Variants in ANK2 observed in about 807,000 individuals in gnomAD.
The protein encoded by ANK2 is ankyrin-2.
A neutral mutation model predicts 360.5 loss-of-function variants in ANK2; 83 were observed. That is an observed-to-expected ratio of 0.23 (90% CI 0.19 to 0.28). The LOEUF (loss-of-function observed/expected upper bound fraction) is 0.28. ANK2 is among the 10% of genes least tolerant of loss of function. ANK2 has a pLI of 1.00. For missense variants in ANK2, 4,201 were observed against 4,795.7 expected (o/e 0.88, Z 3.66); for synonymous variants, 1,740 against 1,759.5 (o/e 0.99, Z 0.28).
At chr4:113,350,133 A>G in intron 36 of ANK2, 95 bp from the exon 37 acceptor site, 1 of 1,123,040 alleles carries the variant, frequency 8.9e-7, no homozygotes, top group Admixed American at 1.9e-5. Context: ...GTCACCCAAC[A>G]TGTATAATTA....
At chr4:113,127,232 A>G (rs2095714026) in intron 1 of ANK2, among the ~76,000 whole-genome samples, 1 of 152,142 alleles carries the variant, frequency 6.6e-6, no homozygotes, top group African/African-American at 2.4e-5. Context: ...GTTCAGATGT[A>G]TATAATATAT....
At chr4:112,732,848 G>A in the ANK2 span, among the ~76,000 whole-genome samples, 25 of 152,140 alleles carry the variant, frequency 1.6e-4, no homozygotes, top group African/African-American at 6.0e-4. Flanking sequence ...TTGGGAGGCT[G>A]AGGCGGGGGG....
Position 113,353,077 on chromosome 4 carries a change from C to G in ANK2, c.4459C>G (p.Leu1487Val). 6.2e-7 allele frequency: 1 copy of G among 1,613,840 alleles called. No individual in the cohort carries two copies. The highest frequency in any genetic ancestry group is 8.5e-7 in the Non-Finnish European group (1 of 1,179,816). ...DETESTETSV[L>V]KSHLVNEVPV... Reference sequence around the variant, plus strand: ...GACAGAATCTACAGAAACATCTGTCCTGAAAAGTCACCTGGTTAATGAAGT... The same window carrying G: ...GACAGAATCTACAGAAACATCTGTCGTGAAAAGTCACCTGGTTAATGAAGT... Residue 1487 changes from leucine to valine, a missense_variant, in exon 38 of 46, where the codon CTG becomes GTG. Coordinates refer to ENST00000357077, the MANE Select transcript of ANK2 (RefSeq NM_001148.6).
chr4:113,378,491 A>G (rs1442737598), intron 45 of ANK2, among the ~76,000 whole-genome samples: 1 of 152,214 alleles, frequency 6.6e-6, no homozygotes, highest in Non-Finnish European at 1.5e-5. Flanking sequence ...CATTGTGTCG[A>G]TAGATTCAGA....
At chr4:112,791,526 T>C in the ANK2 span, among the ~76,000 whole-genome samples, 888 of 143,442 alleles carry the variant, frequency 6.2e-3, 8 homozygotes, top group African/African-American at 0.022. Context: ...TCTGGCTCTG[T>C]TGCCCAGGCT....
chr4:112,810,135 ATATATATATATATATATATATATATTTTT>A, the ANK2 span, among the ~76,000 whole-genome samples: 1 of 36,284 alleles, frequency 2.8e-5, no homozygotes, highest in Non-Finnish European at 5.3e-5. Context: ...GTATATATAT[ATATATATATATATATATATATATATTTTT>A]TTTTTTTTTT....
At chr4:113,097,528 G>C (rs187392818) in intron 1 of ANK2, among the ~76,000 whole-genome samples, 64 of 152,110 alleles carry the variant, frequency 4.2e-4, no homozygotes, top group African/African-American at 1.5e-3. Context: ...AAACCAAAGG[G>C]AAAATAAATT....
chr4:113,128,050 T>C (rs1236531118), intron 1 of ANK2, among the ~76,000 whole-genome samples: 1 of 152,298 alleles, frequency 6.6e-6, no homozygotes, highest in Non-Finnish European at 1.5e-5. Context: ...TAAAAACACA[T>C]TGCTTTATAT....
At chr4:113,150,621 T>C (rs1294140157) in intron 1 of ANK2, among the ~76,000 whole-genome samples, 3 of 152,144 alleles carry the variant, frequency 2.0e-5, no homozygotes, top group Non-Finnish European at 4.4e-5. Context: ...AATATTGTGT[T>C]CCCATGTCCT....
chr4:113,242,348 A>G, intron 9 of ANK2, 139 bp downstream of exon 9: 1 of 797,094 alleles, frequency 1.3e-6, no homozygotes, highest in Non-Finnish European at 2.1e-6. Context: ...TTTAAATCTC[A>G]TACAACATTT....
At chr4:113,231,542 G>A (rs1393865509) in intron 4 of ANK2, among the ~76,000 whole-genome samples, 1 of 151,944 alleles carries the variant, frequency 6.6e-6, no homozygotes, top group Non-Finnish European at 1.5e-5. Context: ...GCTATATATA[G>A]TGATAATTCC....
the ANK2 span, among the ~76,000 whole-genome samples, chr4:112,732,028 T>C: frequency 1.3e-5 from 2 of 152,190 alleles, no homozygotes; most frequent in East Asian, 1.9e-4. Context: ...GGTTAAAATA[T>C]CAGGAATTCT....
intron 1 of ANK2, among the ~76,000 whole-genome samples, chr4:113,090,873 A>C (rs1197136950): frequency 6.6e-6 from 1 of 152,074 alleles, no homozygotes; most frequent in Non-Finnish European, 1.5e-5. Flanking sequence ...TACTTTTATA[A>C]TCTGCCTGGT....
At chr4:113,036,534 T>G (rs942939183) in intron 2 of ANK2, among the ~76,000 whole-genome samples, 1 of 151,750 alleles carries the variant, frequency 6.6e-6, no homozygotes, top group Non-Finnish European at 1.5e-5. Context: ...TCCAAATGTT[T>G]ATAATTAAGC....
chr4:113,084,194 C>G (rs987030822), intron 1 of ANK2, among the ~76,000 whole-genome samples: 1 of 152,208 alleles, frequency 6.6e-6, no homozygotes, highest in African/African-American at 2.4e-5. Context: ...AAGTGGCGTG[C>G]ATCTCTTTTG....
At chr4:113,342,061 C>A in intron 33 of ANK2, 145 bp downstream of exon 33, 2 of 821,588 alleles carry the variant, frequency 2.4e-6, no homozygotes, top group South Asian at 1.8e-5. Flanking sequence ...AGGTCAACAT[C>A]CAAAATCTGC....
intron 1 of ANK2, among the ~76,000 whole-genome samples, chr4:113,102,707 G>A (rs1041985122): frequency 1.3e-5 from 2 of 152,092 alleles, no homozygotes; most frequent in Non-Finnish European, 2.9e-5. Context: ...GATAATCTGA[G>A]GACTGTCAAA....
rs376784037 is a variant in ANK2, at chr4:113,097,424, TA to T, written c.84+47613del. 5.8e-4 allele frequency among the ~76,000 whole-genome samples: 88 copies of T among 152,202 alleles called. 1 individual carries two copies. Among genetic ancestry groups the T allele is most frequent in the African/African-American group, 2.1e-3 (86 of 41,550 alleles). On this transcript the variant is annotated intron_variant, in intron 1 of 45. Transcript: ENST00000357077. ...TAAGGTAGATTTGGCTGCGTTGAGC[TA>T]TTGTCTAAGAGTGGTAGACTCCAGT...
In ANK2 at chr4:113,373,670, G is replaced by C. The variant is rs767261665; in HGVS notation, c.11859+221G>C. ...GCATTATACTCATTGTTTTTGTTTG[G>C]TCTTTTTAAAAATATCTATTCTTTA... On this transcript the variant is annotated intron_variant, in intron 45 of 45. Transcript: ENST00000357077. 4.1e-6 allele frequency: 3 copies of C among 739,644 alleles called. No homozygotes were observed. In the African/African-American group the frequency reaches 5.1e-5, roughly 13 times the overall value. 45.8% of individuals were successfully genotyped at this position (739,644 alleles called of 1,614,324 possible).
Sources: gnomAD v4.1 joint callset for allele counts (sites outside exome capture counted in the v4.1 genomes callset) on GRCh38, gnomAD v4.1.1 for gene constraint, MANE v1.5 for transcripts, NCBI Gene and HGNC (gene_info 2026-07-23, HGNC 2026-07-21) for gene names.